Variants in RIMS1 observed in about 807,000 individuals in gnomAD.
The protein encoded by RIMS1 is regulating synaptic membrane exocytosis 1, also known as regulating synaptic membrane exocytosis protein 1.
RIMS1 carries 83 observed loss-of-function variants against 214.1 expected under a neutral mutation model. The ratio of observed to expected loss-of-function variants is 0.39; its 90% CI spans 0.32 to 0.47. The LOEUF (loss-of-function observed/expected upper bound fraction) is 0.47. Among genes scored for constraint, RIMS1 ranks in the 20% least tolerant of loss-of-function variants. The pLI is 0.99. For synonymous variants in RIMS1, 793 were observed against 786.8 expected (o/e 1.01, Z -0.13); for missense variants, 2,050 against 2,161.8 (o/e 0.95, Z 1.03).
chr6:72,343,218 T>C (rs1416542), intron 29 of RIMS1, among the ~76,000 whole-genome samples: 1 of 151,830 alleles, frequency 6.6e-6, no homozygotes, highest in Admixed American at 6.6e-5. Flanking sequence ...CCAAGGTGTC[T>C]GAAATGACCA....
chr6:72,025,864 C>T (rs1047719136), intron 2 of RIMS1, among the ~76,000 whole-genome samples: 3 of 152,160 alleles, frequency 2.0e-5, no homozygotes, highest in South Asian at 2.1e-4. Context: ...CTGGAAGATT[C>T]GCTTCCAAAG....
chr6:72,131,736 A>C (rs919675744), intron 4 of RIMS1, among the ~76,000 whole-genome samples: 3 of 152,134 alleles, frequency 2.0e-5, no homozygotes, highest in African/African-American at 7.2e-5. Context: ...GTCTGACCAA[A>C]ATTTATTAGG....
rs1564287994 is a variant in RIMS1 at position 72,341,155 on chromosome 6, G to A, written c.4366+7320G>A. Among the ~76,000 whole-genome samples the A allele has an allele frequency of 5.3e-5, 8 of 152,028 alleles. No individual in the cohort carries two copies. In the South Asian group the frequency reaches 1.5e-3, roughly 28 times the overall value. ...TTTTGTATCCTGAGACTTTGCTGAA[G>A]TTGTTTACAGCTTAAGGAGATTTTG... On this transcript the variant is annotated intron_variant, in intron 29 of 33. Transcript: ENST00000521978.
intron 16 of RIMS1, 95 bp from the exon 17 acceptor site, chr6:72,258,030 T>C (rs545792556): frequency 2.6e-5 from 29 of 1,130,742 alleles, no homozygotes; most frequent in Middle Eastern, 2.8e-4. Context: ...TCTTCATAGA[T>C]CAATGGCTGC....
intron 1 of RIMS1, among the ~76,000 whole-genome samples, chr6:71,953,423 A>G (rs983368971): frequency 6.6e-6 from 1 of 152,214 alleles, no homozygotes; most frequent in Non-Finnish European, 1.5e-5. Context: ...AGCAAATGGC[A>G]TAGCTAAACT....
At chr6:72,316,755 A>G (rs2095823341) in intron 28 of RIMS1, 1 of 675,194 alleles carries the variant, frequency 1.5e-6, no homozygotes, top group South Asian at 1.4e-5. Context: ...TTCAGAGGCC[A>G]CTCCCTAGTA....
chr6:71,997,381 TA>T (rs1803778830), intron 2 of RIMS1, among the ~76,000 whole-genome samples: 1 of 152,158 alleles, frequency 6.6e-6, no homozygotes, highest in Non-Finnish European at 1.5e-5. Context: ...GCAAGCCAGC[TA>T]AAATTCAAAA....
intron 2 of RIMS1, among the ~76,000 whole-genome samples, chr6:72,077,570 G>C (rs981958451): frequency 6.6e-6 from 1 of 152,168 alleles, no homozygotes; most frequent in Non-Finnish European, 1.5e-5. Context: ...TACTTTATTG[G>C]TCTTTCCATT....
At chr6:71,906,375 C>A (rs1472191862) in intron 1 of RIMS1, among the ~76,000 whole-genome samples, 4 of 152,146 alleles carry the variant, frequency 2.6e-5, no homozygotes, top group African/African-American at 4.8e-5. Context: ...AAAAAGTGCT[C>A]ATATGTGCAC....
At chr6:72,207,426 T>C (rs771149557) in intron 6 of RIMS1, among the ~76,000 whole-genome samples, 3 of 152,214 alleles carry the variant, frequency 2.0e-5, no homozygotes, top group African/African-American at 2.4e-5. Context: ...TTAAGTCTTA[T>C]CATATTTTGC....
At chr6:72,308,376 A>G (rs2095337232) in intron 27 of RIMS1, among the ~76,000 whole-genome samples, 1 of 152,174 alleles carries the variant, frequency 6.6e-6, no homozygotes. Context: ...CTACAAAAGT[A>G]GCAGCAGCCA....
chr6:71,972,831 G>C (rs142290222), intron 2 of RIMS1, among the ~76,000 whole-genome samples: 2 of 152,276 alleles, frequency 1.3e-5, no homozygotes, highest in South Asian at 4.2e-4. Context: ...ACTAAAATGC[G>C]TTTAAAAAGA....
intron 1 of RIMS1, among the ~76,000 whole-genome samples, chr6:71,903,146 A>G (rs1774204868): frequency 6.6e-6 from 1 of 152,118 alleles, no homozygotes; most frequent in African/African-American, 2.4e-5. Context: ...TCCCACCAAC[A>G]GTGTAGAAGC....
chr6:72,103,124 T>C (rs1041157850), intron 4 of RIMS1, among the ~76,000 whole-genome samples: 2 of 152,130 alleles, frequency 1.3e-5, no homozygotes, highest in Non-Finnish European at 1.5e-5. Flanking sequence ...AAGAAAAGTT[T>C]AGAATGTATC....
chr6:72,195,903 TGA>T (rs543440164), intron 6 of RIMS1, among the ~76,000 whole-genome samples: 24 of 152,086 alleles, frequency 1.6e-4, no homozygotes, highest in Non-Finnish European at 3.4e-4. Context: ...TGACGGCAGG[TGA>T]GAGAGAGCGA....
chr6:72,040,052 C>A (rs1214398329), intron 2 of RIMS1, among the ~76,000 whole-genome samples: 4 of 152,058 alleles, frequency 2.6e-5, no homozygotes, highest in Non-Finnish European at 5.9e-5. Flanking sequence ...GTTTACAGCA[C>A]ATAGGTTTAG....
At chr6:72,109,983 C>G (rs1364597705) in intron 4 of RIMS1, among the ~76,000 whole-genome samples, 1 of 151,928 alleles carries the variant, frequency 6.6e-6, no homozygotes, top group Non-Finnish European at 1.5e-5. Context: ...GCTTGTTTTT[C>G]TCATGTTTGT....
intron 4 of RIMS1, among the ~76,000 whole-genome samples, chr6:72,143,470 G>GA (rs1214898242): frequency 6.6e-6 from 1 of 152,068 alleles, no homozygotes; most frequent in East Asian, 1.9e-4. Flanking sequence ...TGGTATTTGG[G>GA]AAAAAATGGT....
intron 22 of RIMS1, 106 bp downstream of exon 22, chr6:72,266,155 T>C (rs2154175542): frequency 1.2e-6 from 1 of 813,422 alleles, no homozygotes; most frequent in Non-Finnish European, 2.1e-6. Flanking sequence ...CATTCATGTA[T>C]ACTTTGCTAA....
Sources: allele counts gnomAD v4.1 joint callset (sites outside exome capture counted in the v4.1 genomes callset), GRCh38; gene constraint gnomAD v4.1.1; transcripts MANE v1.5; gene names NCBI Gene and HGNC (gene_info 2026-07-23, HGNC 2026-07-21).